The following HSP90AA1 variants were observed in gnomAD, a reference collection of about 807,000 sequenced individuals.
The protein encoded by HSP90AA1 is heat shock protein HSP 90-alpha.
In HSP90AA1, 18 loss-of-function variants were observed where a neutral mutation model predicts 73.3. The observed-to-expected ratio is 0.25, with a 90% CI of 0.17 to 0.36. The LOEUF is 0.36. HSP90AA1 is among the 10% of genes least tolerant of loss of function. The pLI is 1.00. For missense variants in HSP90AA1, 704 were observed against 874.2 expected, an observed-to-expected ratio of 0.81 and a Z score of 2.45; for synonymous variants, 477 against 296.9, an observed-to-expected ratio of 1.61 and a Z score of -6.24.
chr14:102,085,464 C>T (rs77536874), intron 3 of HSP90AA1, 33 bp from the exon 4 acceptor site: 10 of 625,922 alleles, frequency 1.6e-5, no homozygotes, highest in East Asian at 1.3e-4. Flanking sequence ...TGACTTAATA[C>T]ATTCAATTTA....
At chr14:102,116,282 A>G (rs2049705972) in intron 1 of HSP90AA1, among the ~76,000 whole-genome samples, 1 of 152,040 alleles carries the variant, frequency 6.6e-6, no homozygotes, top group Non-Finnish European at 1.5e-5. Context: ...TGGTGGAGAG[A>G]GTTGTGTTTC....
upstream of HSP90AA1, among the ~76,000 whole-genome samples, chr14:102,087,361 G>GCGCCCTC (rs1459452181): frequency 2.9e-4 from 44 of 151,440 alleles, no homozygotes; most frequent in Non-Finnish European, 4.9e-4. Flanking sequence ...GGGGCCGCCC[G>GCGCCCTC]CGCCCTCCGC....
chr14:102,120,279 A>G (rs61628367), intron 1 of HSP90AA1, among the ~76,000 whole-genome samples: 3,022 of 152,182 alleles, frequency 0.02, 80 homozygotes, highest in African/African-American at 0.056. Context: ...GGATCACTTG[A>G]GCTTGGGAGG....
In HSP90AA1 at chr14:102,134,720, G is replaced by A. The variant is rs543270410; in HGVS notation, c.155+4530C>T. On this transcript the variant is annotated intron_variant, in intron 1 of 11. Transcript: ENST00000334701. ...CAGGAGTGAAGCTGCAAATCTTCGCGGTGAGTGTTACAGCTCATAAAAGCA... is the reference window on the plus strand; with the variant it reads ...CAGGAGTGAAGCTGCAAATCTTCGCAGTGAGTGTTACAGCTCATAAAAGCA... 2.4e-4 allele frequency among the ~76,000 whole-genome samples: 36 copies of A among 152,272 alleles called. No homozygotes were observed. The South Asian group carries it at 6.6e-3, about 28-fold the overall frequency.
chr14:102,092,798 T>C (rs2049375188), intron 2 of HSP90AA1, among the ~76,000 whole-genome samples: 1 of 152,182 alleles, frequency 6.6e-6, no homozygotes, highest in Non-Finnish European at 1.5e-5. Flanking sequence ...TCACTCAGGC[T>C]GGAGTGCAGT....
intron 6 of HSP90AA1, 22 bp downstream of exon 6, chr14:102,084,377 T>A (rs1032931037): frequency 6.2e-7 from 1 of 1,605,960 alleles, no homozygotes; most frequent in African/African-American, 1.3e-5. Context: ...TGACAGTGAT[T>A]ATTTTTCCTA....
At chr14:102,094,271 A>C (rs964449407) in intron 2 of HSP90AA1, among the ~76,000 whole-genome samples, 1 of 152,248 alleles carries the variant, frequency 6.6e-6, no homozygotes, top group African/African-American at 2.4e-5. Context: ...ATGTCTGGCC[A>C]CATTGATAAG....
intron 2 of HSP90AA1, among the ~76,000 whole-genome samples, chr14:102,095,104 C>T (rs1048835121): frequency 1.7e-4 from 26 of 152,154 alleles, no homozygotes; most frequent in African/African-American, 5.1e-4. Context: ...TGCGCATCCA[C>T]GTGGATGGGC....
Position 102,084,535 on chromosome 14 carries a change from G to A in HSP90AA1, c.1011C>T (p.Phe337=), listed in dbSNP as rs772052021. Residue 337 remains phenylalanine, a synonymous_variant, in exon 6 of 11, where the codon TTC becomes TTT. Coordinates refer to ENST00000216281, the MANE Select transcript of HSP90AA1 (RefSeq NM_005348.4). ...GTCGTGGGACAAATAGAAGGGCTCTGAATTCCAACTGTCCTTCAACTGAAA... is the reference window on the plus strand; with the variant it reads ...GTCGTGGGACAAATAGAAGGGCTCTAAATTCCAACTGTCCTTCAACTGAAA... The part of the protein sequence containing the change: ...KHFSVEGQLE[F]RALLFVPRRA... 1.2e-6 allele frequency: 2 copies of A among 1,614,160 alleles called. No individual in the cohort carries two copies. The highest frequency in any genetic ancestry group is 1.7e-6 in the Non-Finnish European group (2 of 1,180,012).
intron 2 of HSP90AA1, among the ~76,000 whole-genome samples, chr14:102,094,155 T>TG (rs1189120808): frequency 1.3e-5 from 2 of 152,152 alleles, no homozygotes; most frequent in Non-Finnish European, 2.9e-5. Flanking sequence ...AAGGCCGGCT[T>TG]GGGGTTGGTC....
chr14:102,109,307 G>C (rs2049609729), intron 1 of HSP90AA1, among the ~76,000 whole-genome samples: 1 of 152,164 alleles, frequency 6.6e-6, no homozygotes, highest in African/African-American at 2.4e-5. Context: ...GAATATCCCT[G>C]ATACGGTTTG....
At chr14:102,128,521 C>G (rs912670172) in intron 1 of HSP90AA1, among the ~76,000 whole-genome samples, 1 of 150,670 alleles carries the variant, frequency 6.6e-6, no homozygotes, top group Non-Finnish European at 1.5e-5. Flanking sequence ...CCCAGCTACT[C>G]GGGAGGCTGA....
intron 1 of HSP90AA1, among the ~76,000 whole-genome samples, chr14:102,103,210 A>T (rs1455372136): frequency 1.4e-5 from 2 of 142,652 alleles, no homozygotes; most frequent in Non-Finnish European, 3.1e-5. Flanking sequence ...AAAAAGCAGA[A>T]GTGGGAGTTG....
chr14:102,101,916 G>A, exon 2 of HSP90AA1: 1 of 1,614,168 alleles, frequency 6.2e-7, no homozygotes, highest in South Asian at 1.1e-5. Context: ...TCCTTGTAGA[G>A]GTGTTGCCCT....
chr14:102,139,487 C>T (rs948654849), exon 1 of HSP90AA1: 2 of 1,396,538 alleles, frequency 1.4e-6, no homozygotes, highest in Non-Finnish European at 1.9e-6. Context: ...TCTTTGGGGT[C>T]CCGGCGCCCC....
At chr14:102,089,209 C>T (rs756280589), upstream of HSP90AA1, among the ~76,000 whole-genome samples, 6 of 152,338 alleles carry the variant, frequency 3.9e-5, no homozygotes, top group Admixed American at 6.5e-5. Context: ...GCGTGAGCCA[C>T]GGCGCCCGGC....
At chr14:102,105,741 TGAGGGTCACAAGTCTG>T (rs1419222711) in intron 1 of HSP90AA1, among the ~76,000 whole-genome samples, 2 of 152,134 alleles carry the variant, frequency 1.3e-5, no homozygotes, top group Non-Finnish European at 2.9e-5. Context: ...TGTTTGGATT[TGAGGGTCACAAGTCTG>T]GACACATGGA....
chr14:102,106,021 A>G (rs2049563350), intron 1 of HSP90AA1, among the ~76,000 whole-genome samples: 2 of 152,046 alleles, frequency 1.3e-5, no homozygotes, highest in Admixed American at 1.3e-4. Flanking sequence ...GGTTGCAGTG[A>G]GCCAAGATGG....
At chr14:102,088,154 G>A (rs1406281565), upstream of HSP90AA1, among the ~76,000 whole-genome samples, 1 of 151,908 alleles carries the variant, frequency 6.6e-6, no homozygotes, top group South Asian at 2.1e-4. Context: ...TTGTAGAGTC[G>A]GGGTTTCACC....
Sources: gnomAD v4.1 joint callset for allele counts (sites outside exome capture counted in the v4.1 genomes callset) on GRCh38, gnomAD v4.1.1 for gene constraint, MANE v1.5 for transcripts, NCBI Gene and HGNC (gene_info 2026-07-23, HGNC 2026-07-21) for gene names.